Variants in CSNK1G1 observed in about 807,000 individuals in gnomAD.
CSNK1G1 encodes the protein casein kinase I isoform gamma-1.
Under a neutral mutation model 59.6 loss-of-function variants are expected in CSNK1G1, and 22 were observed. That is an observed-to-expected ratio of 0.37 (90% CI 0.26 to 0.53). The LOEUF (loss-of-function observed/expected upper bound fraction) is 0.53, where lower values mean the gene tolerates loss of function less well. Ranked by LOEUF, CSNK1G1 falls within the 20% of genes least tolerant of loss-of-function variation. CSNK1G1 has a pLI of 0.89. For missense variants in CSNK1G1, 384 were observed against 519.5 expected, an observed-to-expected ratio of 0.74 and a Z score of 2.54; for synonymous variants, 179 against 177.1, an observed-to-expected ratio of 1.01 and a Z score of -0.08.
At chr15:64,242,406 C>T (rs1213848512) in intron 4 of CSNK1G1, among the ~76,000 whole-genome samples, 1 of 152,114 alleles carries the variant, frequency 6.6e-6, no homozygotes, top group Non-Finnish European at 1.5e-5. Context: ...TTTCCCCCGA[C>T]TCCCAGTCAC....
intron 4 of CSNK1G1, among the ~76,000 whole-genome samples, chr15:64,233,293 A>T (rs1448493112): frequency 6.6e-6 from 1 of 152,212 alleles, no homozygotes; most frequent in African/African-American, 2.4e-5. Flanking sequence ...TTACTGGTCC[A>T]AAATGTGTAA....
Position 64,171,815 on chromosome 15 carries a change from T to A in CSNK1G1, c.*116A>T. On this transcript the variant is annotated 3_prime_UTR_variant, in exon 12 of 12. Transcript: ENST00000303052. The surrounding 1 kb of genome is among the most constrained non-coding windows in gnomAD (Gnocchi z 4.8). ...CTGGGGGCATCTGTTTTCTTCTTTT[T>A]GGTTTGGATATCCACCCTCCCCCAA... is the stretch of plus-strand genomic sequence containing the variant. 1 of 916,164 alleles carries A rather than the reference T, an allele frequency of 1.1e-6. No homozygotes were observed. The highest frequency in any genetic ancestry group is 1.8e-6 in the Non-Finnish European group (1 of 560,758). The allele number at this position is 916,164 out of a possible 1,614,324, so 56.8% of individuals were successfully genotyped here.
intron 4 of CSNK1G1, among the ~76,000 whole-genome samples, chr15:64,239,800 A>G (rs2140303221): frequency 6.6e-6 from 1 of 152,370 alleles, no homozygotes; most frequent in Middle Eastern, 3.4e-3. Context: ...TAGATATAGA[A>G]AAGAACCAAA....
intron 4 of CSNK1G1, among the ~76,000 whole-genome samples, chr15:64,241,671 T>C (rs971442921): frequency 6.6e-6 from 1 of 151,928 alleles, no homozygotes; most frequent in African/African-American, 2.4e-5. Context: ...ACTGTATAAA[T>C]ACATGGAAAT....
rs945185519 is a variant in CSNK1G1, at chr15:64,342,256, C to T, written c.-225+13732G>A. Among the ~76,000 whole-genome samples, 6 of 152,198 alleles carry T rather than the reference C, an allele frequency of 3.9e-5. No individual in the cohort carries two copies. The East Asian group carries it at 1.2e-3, about 29-fold the overall frequency. On this transcript the variant is annotated intron_variant, in intron 1 of 11. Coordinates refer to ENST00000303052, the MANE Select transcript of CSNK1G1 (RefSeq NM_022048.5). ...CCAGCAGTGTGAACTTCAGAAGTAA[C>T]CTTCCTTTCTCTGCCTCATTTGCTG...
Position 64,214,431 on chromosome 15 carries a change from C to T in CSNK1G1, c.445-307G>A, listed in dbSNP as rs992559831. Among the ~76,000 whole-genome samples, 4 of 152,126 alleles carry T rather than the reference C, an allele frequency of 2.6e-5. No individual in the cohort carries two copies. Among genetic ancestry groups the T allele is most frequent in the Admixed American group, 6.6e-5 (1 of 15,260 alleles). On this transcript the variant is annotated intron_variant, in intron 5 of 11. Coordinates refer to ENST00000303052, the MANE Select transcript of CSNK1G1 (RefSeq NM_022048.5). The surrounding 1 kb of genome is among the most constrained non-coding windows in gnomAD (Gnocchi z 4.3). ...AATGAAATCAGTTGTTTATATGCTA[C>T]GTCAGAAAATTAAGCATTTGAGACA... is the stretch of plus-strand genomic sequence containing the variant.
chr15:64,174,637 A>G (rs1248280604), intron 11 of CSNK1G1, among the ~76,000 whole-genome samples: 1 of 152,164 alleles, frequency 6.6e-6, no homozygotes, highest in Non-Finnish European at 1.5e-5. Context: ...AACATGCTGG[A>G]GTCAAAATCG....
chr15:64,185,978 G>A (rs1286430281), intron 10 of CSNK1G1, among the ~76,000 whole-genome samples: 1 of 152,066 alleles, frequency 6.6e-6, no homozygotes, highest in African/African-American at 2.4e-5. Context: ...TTGCAGCTCT[G>A]TTTTGAACAA....
intron 2 of CSNK1G1, among the ~76,000 whole-genome samples, chr15:64,287,957 G>C (rs1251937814): frequency 1.3e-5 from 2 of 152,114 alleles, no homozygotes; most frequent in Admixed American, 6.6e-5. Flanking sequence ...GTAGACTAGA[G>C]ATGTCAACAT....
chr15:64,239,301 A>T (rs1055725366), intron 4 of CSNK1G1, among the ~76,000 whole-genome samples: 1 of 152,230 alleles, frequency 6.6e-6, no homozygotes, highest in Non-Finnish European at 1.5e-5. Flanking sequence ...CCCAATGAAA[A>T]GAAATTTTAA....
At chr15:64,342,224 C>T (rs1394756059) in intron 1 of CSNK1G1, among the ~76,000 whole-genome samples, 2 of 152,202 alleles carry the variant, frequency 1.3e-5, no homozygotes, top group Non-Finnish European at 2.9e-5. Flanking sequence ...CCTGGCTCCA[C>T]CACATACCAG....
At chr15:64,337,635 T>A (rs888617317) in intron 1 of CSNK1G1, among the ~76,000 whole-genome samples, 1 of 152,186 alleles carries the variant, frequency 6.6e-6, no homozygotes, top group Non-Finnish European at 1.5e-5. Flanking sequence ...CTGGCTTTGT[T>A]TTTTACTGTG....
At chr15:64,226,286 G>A (rs1238463039) in intron 4 of CSNK1G1, among the ~76,000 whole-genome samples, 1 of 152,200 alleles carries the variant, frequency 6.6e-6, no homozygotes, top group Non-Finnish European at 1.5e-5. Flanking sequence ...TCGGCTGGGT[G>A]TGGTGGCTCA....
intron 7 of CSNK1G1, among the ~76,000 whole-genome samples, chr15:64,205,975 C>A (rs2082173089): frequency 6.6e-6 from 1 of 152,154 alleles, no homozygotes; most frequent in African/African-American, 2.4e-5. Flanking sequence ...GATTAAGTTT[C>A]TTTCCATATT....
chr15:64,352,520 A>G (rs1898366351), intron 1 of CSNK1G1, among the ~76,000 whole-genome samples: 1 of 122,036 alleles, frequency 8.2e-6, no homozygotes, highest in Non-Finnish European at 1.6e-5. Context: ...ATCTTGGCTC[A>G]CCGCAACCTC....
At chr15:64,354,637 T>C (rs1898538010) in intron 1 of CSNK1G1, among the ~76,000 whole-genome samples, 1 of 152,202 alleles carries the variant, frequency 6.6e-6, no homozygotes, top group African/African-American at 2.4e-5. Context: ...CCGGTTGCTT[T>C]CCTATCTCAA....
intron 2 of CSNK1G1, among the ~76,000 whole-genome samples, chr15:64,274,956 G>A (rs1383434515): frequency 6.6e-6 from 1 of 152,166 alleles, no homozygotes; most frequent in African/African-American, 2.4e-5. Context: ...GTTAAAACAA[G>A]TAACTACTTT....
Position 64,190,003 on chromosome 15 carries a change from G to A in CSNK1G1, c.1108-9549C>T, listed in dbSNP as rs553563115. On this transcript the variant is annotated intron_variant, in intron 10 of 11. Coordinates refer to ENST00000303052, the MANE Select transcript of CSNK1G1 (RefSeq NM_022048.5). ...CCGGCTAATTTTTTTTGTATTTTCA[G>A]TAGAGACAGGGTTTCACCGTGTTAG... Among the ~76,000 whole-genome samples, 4 of 152,080 alleles carry A rather than the reference G, an allele frequency of 2.6e-5. No homozygotes were observed. In the East Asian group the frequency reaches 5.8e-4, roughly 22 times the overall value.
intron 2 of CSNK1G1, among the ~76,000 whole-genome samples, chr15:64,264,273 T>C (rs1423081176): frequency 6.6e-6 from 1 of 152,134 alleles, no homozygotes; most frequent in Admixed American, 6.6e-5. Context: ...TTTAAAAATC[T>C]GAAGAAATGG....
Sources: gnomAD v4.1 joint callset for allele counts (sites outside exome capture counted in the v4.1 genomes callset) on GRCh38, gnomAD v4.1.1 for gene constraint, Gnocchi (gnomAD v3.1) non-coding constraint, MANE v1.5 for transcripts, NCBI Gene and HGNC (gene_info 2026-07-23, HGNC 2026-07-21) for gene names.